FUS: variants seen among roughly 807,000 people sequenced by gnomAD.
The protein encoded by FUS is FUS RNA binding protein.
Under a neutral mutation model 82.7 loss-of-function variants are expected in FUS, and 5 were observed. That is an observed-to-expected ratio of 0.06 (90% CI 0.03 to 0.13). The LOEUF (loss-of-function observed/expected upper bound fraction) is 0.13, where lower values mean the gene tolerates loss of function less well. Among genes scored for constraint, FUS ranks in the 10% least tolerant of loss-of-function variants. The pLI is 1.00. For synonymous variants in FUS, 281 were observed against 247.4 expected, an observed-to-expected ratio of 1.14 and a Z score of -1.27; for missense variants, 512 against 707.8, an observed-to-expected ratio of 0.72 and a Z score of 3.14.
rs751731608 is a variant in FUS, at chr16:31,185,084, C to CGGT, written c.671_672insTGG (p.Gly231dup). 2 of 1,588,658 alleles carry CGGT rather than the reference C, an allele frequency of 1.3e-6. No individual in the cohort carries two copies. The highest frequency in any genetic ancestry group is 2.7e-5 in the African/African-American group (2 of 73,712). On this transcript the variant is annotated inframe_insertion, in exon 6 of 15. Coordinates refer to ENST00000254108, the MANE Select transcript of FUS (RefSeq NM_004960.4). ...GCCGCGGCAGGGGTGGCAGTGGTGGCGGCGGCGGCGGCGGCGGTGGTGGTT... is the reference window on the plus strand; with the variant it reads ...GCCGCGGCAGGGGTGGCAGTGGTGGCGGTGGCGGCGGCGGCGGCGGTGGTGGTT...
At chr16:31,187,014 A>G in intron 7 of FUS, 178 bp downstream of exon 7, 1 of 686,792 alleles carries the variant, frequency 1.5e-6, no homozygotes, top group East Asian at 2.7e-5. Flanking sequence ...AACCTGGAGC[A>G]GGTAGGGGTA....
chr16:31,190,535 AC>A, intron 12 of FUS, 137 bp downstream of exon 12: 3 of 1,387,988 alleles, frequency 2.2e-6, no homozygotes, highest in Non-Finnish European at 3.1e-6. Context: ...CCAAAAGCTT[AC>A]CTAGGTAAGG....
At chr16:31,188,902 A>G (rs1336558610) in intron 8 of FUS, 2 of 587,214 alleles carry the variant, frequency 3.4e-6, no homozygotes, top group Admixed American at 2.9e-5. Context: ...CATACTGTAT[A>G]CTGGGTGTTA....
chr16:31,183,904 C>A lies in FUS; in HGVS notation c.237C>A (p.Gly79=), dbSNP rs535930927. ...QSTPQGYGST[G]GYGSSQSSQS... ...CTCCCCAGGGATATGGCTCGACTGG[C>A]GGCTATGGCAGTAGCCAGAGCTCCC... Residue 79 remains glycine, a synonymous_variant, in exon 4 of 15, where the codon GGC becomes GGA. Coordinates refer to ENST00000254108, the MANE Select transcript of FUS (RefSeq NM_004960.4). 1.2e-6 allele frequency: 2 copies of A among 1,614,002 alleles called. No individual in the cohort carries two copies. The highest frequency in any genetic ancestry group is 2.7e-5 in the African/African-American group (2 of 74,916).
chr16:31,185,062 G>A lies in FUS; in HGVS notation c.647G>A (p.Arg216His), dbSNP rs749203909. 8 of 1,611,260 alleles carry A rather than the reference G, an allele frequency of 5.0e-6. No individual in the cohort carries two copies. In the African/African-American group the frequency reaches 6.7e-5, roughly 13 times the overall value. ...GGYGQQDRGG[R>H]GRGGSGGGGG... is the part of the protein sequence containing the mutation. ...TATGGACAGCAGGACCGTGGAGGCC[G>A]CGGCAGGGGTGGCAGTGGTGGCGGC... Residue 216 changes from arginine to histidine, a missense_variant, in exon 6 of 15, where the codon CGC (arginine) becomes CAC (histidine). Around this residue, in one of 6 missense-constraint regions of FUS, gnomAD observed 276 missense variants for 303.3 expected, o/e 0.91. Transcript: ENST00000254108.
chr16:31,182,809 C>T (rs1415685438), intron 3 of FUS, 145 bp downstream of exon 3: 2 of 949,990 alleles, frequency 2.1e-6, no homozygotes, highest in Non-Finnish European at 3.3e-6. Flanking sequence ...ATCAGCCTAC[C>T]GGGTTCAAAC....
At chr16:31,191,665 A>G (rs780082314), downstream of FUS, 19 of 699,412 alleles carry the variant, frequency 2.7e-5, no homozygotes, top group Non-Finnish European at 4.4e-5. Flanking sequence ...TCAGGAAGGT[A>G]GAGAGTTTTC....
downstream of FUS, chr16:31,193,046 G>A (rs761627268): frequency 2.1e-6 from 1 of 484,596 alleles, no homozygotes; most frequent in Non-Finnish European, 4.1e-6. Flanking sequence ...TACCGCAACT[G>A]CCGCCTCCTG....
Position 31,189,110 on chromosome 16 carries a change from G to T in FUS, c.833-13G>T. 6.2e-7 allele frequency: 1 copy of T among 1,602,040 alleles called. No individual in the cohort carries two copies. The highest frequency in any genetic ancestry group is 8.6e-7 in the Non-Finnish European group (1 of 1,169,192). ...ACCTTTTCACATTTGCATTTTCTCT[G>T]TTCAACAAGCAGAACAGGATAATTC... On this transcript the variant is annotated splice_polypyrimidine_tract_variant and intron_variant, in intron 8 of 14. Transcript: ENST00000254108.
chr16:31,189,296 G>C lies in FUS; in HGVS notation c.936+70G>C, dbSNP rs184769089. The C allele has an allele frequency of 1.7e-4, 200 of 1,165,824 alleles. 1 individual carries two copies. In the African/African-American group the frequency reaches 2.5e-3, roughly 15 times the overall value. The allele number at this position is 1,165,824 out of a possible 1,614,324, so 72.2% of individuals were successfully genotyped here. ...TTGTGGATTTCACACATTAGTAAAA[G>C]CAAGTCTTTAATGGTTGCCAGCAGT... On this transcript the variant is annotated intron_variant, in intron 9 of 14. Transcript: ENST00000254108.
intron 1 of FUS, 82 bp downstream of exon 1, chr16:31,180,309 G>C: frequency 6.6e-7 from 1 of 1,525,258 alleles, no homozygotes; most frequent in Non-Finnish European, 8.9e-7. Context: ...GTGGGACCGG[G>C]GCGGCGATCC....
At chr16:31,189,996 G>A (rs150914517) in intron 10 of FUS, 44 bp from the exon 11 acceptor site, 2 of 1,576,448 alleles carry the variant, frequency 1.3e-6, no homozygotes, top group African/African-American at 1.3e-5. Context: ...TCGGATTAAT[G>A]TGTCTTGCAT....
At chr16:31,185,495 A>G in intron 6 of FUS, 1 of 606,914 alleles carries the variant, frequency 1.6e-6, no homozygotes, top group Non-Finnish European at 3.1e-6. Context: ...ATGGAAGTGA[A>G]GACTTCTTTC....
chr16:31,188,907 G>A, intron 8 of FUS: 1 of 594,644 alleles, frequency 1.7e-6, no homozygotes, highest in Non-Finnish European at 3.0e-6. Context: ...TGTATACTGG[G>A]TGTTAACATG....
chr16:31,183,602 T>C (rs1202426370), intron 3 of FUS: 2 of 503,076 alleles, frequency 4.0e-6, no homozygotes, highest in African/African-American at 1.9e-5. Flanking sequence ...TGGGCCTGGG[T>C]TTAGAGGGTG....
chr16:31,186,410 A>T, intron 6 of FUS: 1 of 389,968 alleles, frequency 2.6e-6, no homozygotes, highest in Non-Finnish European at 4.8e-6. Context: ...AGGCTACCCC[A>T]GCCTGGTGTG....
chr16:31,192,948 T>C (rs1246346544), downstream of FUS: 2 of 484,924 alleles, frequency 4.1e-6, no homozygotes, highest in East Asian at 4.9e-5. Flanking sequence ...CTTGGGTGAT[T>C]TGAGGCACAG....
rs183447846 is a variant in FUS, at chr16:31,187,928, A to G, written c.800-397A>G. On this transcript the variant is annotated intron_variant, in intron 7 of 14. Coordinates refer to ENST00000254108, the MANE Select transcript of FUS (RefSeq NM_004960.4). Reference sequence around the variant, plus strand: ...GTTGGGAGAAACTGGATGGATGCACATCGCATGGCTGGTGGCGAGCCCATC... The same window carrying G: ...GTTGGGAGAAACTGGATGGATGCACGTCGCATGGCTGGTGGCGAGCCCATC... 17 of 293,054 alleles carry G rather than the reference A, an allele frequency of 5.8e-5. 1 individual carries two copies. The Admixed American group carries it at 6.1e-4, about 10-fold the overall frequency. 18.2% of individuals were successfully genotyped at this position (293,054 alleles called of 1,614,324 possible).
Position 31,190,860 on chromosome 16 carries a change from G to C in FUS, c.1393+18G>C, listed in dbSNP as rs1002313675. The C allele has an allele frequency of 1.9e-6, 3 of 1,613,456 alleles. No individual in the cohort carries two copies. The highest frequency in any genetic ancestry group is 2.5e-6 in the Non-Finnish European group (3 of 1,179,446). ...TCACATGGGTAAGAAAGGCAGACCTGGTGCTAGGGAGCTGGGACCAAAGAA... is the reference window on the plus strand; with the variant it reads ...TCACATGGGTAAGAAAGGCAGACCTCGTGCTAGGGAGCTGGGACCAAAGAA... On this transcript the variant is annotated intron_variant, in intron 13 of 14. Coordinates refer to ENST00000254108, the MANE Select transcript of FUS (RefSeq NM_004960.4).
Sources: allele counts gnomAD v4.1 joint callset, GRCh38; gene constraint gnomAD v4.1.1; regional missense constraint gnomAD v4.1.1; transcripts MANE v1.5; gene names NCBI Gene and HGNC (gene_info 2026-07-23, HGNC 2026-07-21).